CDH13: variants seen among roughly 807,000 people sequenced by gnomAD.
CDH13 encodes the protein cadherin 13.
In CDH13, 24 loss-of-function variants were observed where a neutral mutation model predicts 63.8. That is an observed-to-expected ratio of 0.38 (90% CI 0.27 to 0.53). The LOEUF (loss-of-function observed/expected upper bound fraction) is 0.53, where lower values mean the gene tolerates loss of function less well. Among genes scored for constraint, CDH13 ranks in the 20% least tolerant of loss-of-function variants. The pLI is 0.85. For missense variants in CDH13, 1,049 were observed against 903.1 expected (o/e 1.16, Z -2.07); for synonymous variants, 503 against 355.3 (o/e 1.42, Z -4.67).
At chr16:82,651,737 C>T (rs1315877064) in intron 1 of CDH13, among the ~76,000 whole-genome samples, 1 of 152,204 alleles carries the variant, frequency 6.6e-6, no homozygotes, top group African/African-American at 2.4e-5. Flanking sequence ...CCCATTCTAC[C>T]CTCCAGGTTT....
intron 7 of CDH13, among the ~76,000 whole-genome samples, chr16:83,594,352 C>T (rs1907055815): frequency 1.3e-5 from 2 of 152,176 alleles, no homozygotes; most frequent in African/African-American, 4.8e-5. Context: ...GAAATGGAGG[C>T]AGTGAGAACA....
intron 5 of CDH13, among the ~76,000 whole-genome samples, chr16:83,221,908 TAC>T (rs1351497795): frequency 6.6e-6 from 1 of 152,166 alleles, no homozygotes; most frequent in African/African-American, 2.4e-5. Context: ...ATCCCTGACA[TAC>T]ACAGACCTAT....
intron 7 of CDH13, among the ~76,000 whole-genome samples, chr16:83,502,003 C>G (rs1183398079): frequency 6.6e-6 from 1 of 152,132 alleles, no homozygotes; most frequent in Non-Finnish European, 1.5e-5. Context: ...CATCTTATTA[C>G]TTGTGTGGCC....
intron 6 of CDH13, among the ~76,000 whole-genome samples, chr16:83,443,875 C>T (rs1285237001): frequency 6.8e-6 from 1 of 146,612 alleles, no homozygotes; most frequent in Non-Finnish European, 1.5e-5. Context: ...GTTGAGACTG[C>T]AGTGAGCCAA....
intron 2 of CDH13, among the ~76,000 whole-genome samples, chr16:82,949,352 T>G (rs1905063466): frequency 2.0e-5 from 3 of 152,152 alleles, no homozygotes; most frequent in African/African-American, 7.2e-5. Flanking sequence ...CACATGGCAT[T>G]TTCTTATATG....
At chr16:83,567,604 T>G (rs1440569495) in intron 7 of CDH13, among the ~76,000 whole-genome samples, 2 of 152,178 alleles carry the variant, frequency 1.3e-5, no homozygotes, top group Non-Finnish European at 2.9e-5. Context: ...TTTGTTTTTG[T>G]TTTTGTTTTG....
At chr16:83,431,105 A>G (rs1258873069) in intron 6 of CDH13, among the ~76,000 whole-genome samples, 2 of 151,876 alleles carry the variant, frequency 1.3e-5, no homozygotes, top group Admixed American at 1.3e-4. Flanking sequence ...ACTGAGAATG[A>G]TGATTTCCAG....
chr16:82,678,866 T>C (rs1914230969), intron 1 of CDH13, among the ~76,000 whole-genome samples: 1 of 152,132 alleles, frequency 6.6e-6, no homozygotes, highest in South Asian at 2.1e-4. Flanking sequence ...TCTTTCATCA[T>C]CCCTGACATA....
chr16:83,212,405 T>A (rs2039364541), intron 4 of CDH13, among the ~76,000 whole-genome samples: 2 of 152,162 alleles, frequency 1.3e-5, no homozygotes, highest in African/African-American at 4.8e-5. Context: ...AGCTTTCCCC[T>A]GAAGAGGGAC....
chr16:83,382,017 C>T (rs539069050), intron 6 of CDH13, among the ~76,000 whole-genome samples: 80 of 152,344 alleles, frequency 5.3e-4, no homozygotes, highest in African/African-American at 1.7e-3. Flanking sequence ...TCCCTTATGA[C>T]CTAACGGCTT....
intron 10 of CDH13, among the ~76,000 whole-genome samples, chr16:83,735,028 C>T (rs1182539281): frequency 1.3e-5 from 2 of 150,424 alleles, no homozygotes; most frequent in East Asian, 3.9e-4. Flanking sequence ...AGCGTCAGTT[C>T]TGTGGGACAA....
At chr16:83,295,864 A>G (rs974240545) in intron 5 of CDH13, among the ~76,000 whole-genome samples, 9 of 152,198 alleles carry the variant, frequency 5.9e-5, no homozygotes, top group Non-Finnish European at 1.2e-4. Flanking sequence ...AGACGTCTGC[A>G]CTTCTGTATG....
intron 11 of CDH13, among the ~76,000 whole-genome samples, chr16:83,759,547 T>C (rs187063159): frequency 6.6e-6 from 1 of 152,070 alleles, no homozygotes. Flanking sequence ...ATAGATTACA[T>C]TGAAATTAAG....
chr16:83,231,645 G>T (rs2040000069), intron 5 of CDH13, among the ~76,000 whole-genome samples: 2 of 152,114 alleles, frequency 1.3e-5, no homozygotes, highest in South Asian at 4.1e-4. Flanking sequence ...TATTGTCTGT[G>T]GCCTCTTCCA....
At chr16:83,709,897 A>G (rs1218588248) in intron 10 of CDH13, among the ~76,000 whole-genome samples, 1 of 152,186 alleles carries the variant, frequency 6.6e-6, no homozygotes, top group South Asian at 2.1e-4. Flanking sequence ...CTCTCTAGTC[A>G]TTGGATTTGT....
At chr16:83,244,751 A>G (rs963380749) in intron 5 of CDH13, among the ~76,000 whole-genome samples, 2 of 152,198 alleles carry the variant, frequency 1.3e-5, no homozygotes, top group Non-Finnish European at 1.5e-5. Flanking sequence ...ACAGCTTTCA[A>G]GCGGAGTCAC....
intron 6 of CDH13, among the ~76,000 whole-genome samples, chr16:83,411,873 T>C (rs1227285591): frequency 6.6e-6 from 1 of 152,162 alleles, no homozygotes; most frequent in Non-Finnish European, 1.5e-5. Flanking sequence ...GTTTATAAGG[T>C]AGATAGTAAC....
chr16:82,944,011 G>A (rs12447446), intron 2 of CDH13, among the ~76,000 whole-genome samples: 1 of 152,108 alleles, frequency 6.6e-6, no homozygotes, highest in African/African-American at 2.4e-5. Context: ...CACTCAGATA[G>A]CCCTTTATCA....
chr16:83,654,526 C>T (rs1434195859), intron 8 of CDH13, among the ~76,000 whole-genome samples: 3 of 152,144 alleles, frequency 2.0e-5, no homozygotes, highest in South Asian at 4.2e-4. Context: ...GGAGAAGAAG[C>T]ACAAGAGGTC....
Sources: allele counts gnomAD v4.1 joint callset (sites outside exome capture counted in the v4.1 genomes callset), GRCh38; gene constraint gnomAD v4.1.1; transcripts MANE v1.5; gene names NCBI Gene and HGNC (gene_info 2026-07-23, HGNC 2026-07-21).